The following ZNF546 variants were observed in gnomAD, a reference collection of about 807,000 sequenced individuals.
ZNF546 encodes the protein CTC-471F3.6.
A neutral mutation model predicts 76.2 loss-of-function variants in ZNF546; 60 were observed. The observed-to-expected ratio is 0.79, with a 90% confidence interval of 0.64 to 0.98. The LOEUF (loss-of-function observed/expected upper bound fraction) is 0.98, where lower values mean the gene tolerates loss of function less well. ZNF546 is among the 50% of genes least tolerant of loss of function. ZNF546 has a pLI of 0.00. For missense variants in ZNF546, 936 were observed against 1,035.6 expected (o/e 0.90, Z 1.32); for synonymous variants, 277 against 328.1 (o/e 0.84, Z 1.68).
chr19:40,017,430 C>T lies in ZNF546; in HGVS notation c.*1649C>T, dbSNP rs1971786332. The T allele has an allele frequency of 6.6e-6, 1 of 152,176 alleles. No individual in the cohort carries two copies. The highest frequency in any genetic ancestry group is 2.1e-4 in the South Asian group (1 of 4,830). 9.4% of individuals were successfully genotyped at this position (152,176 alleles called of 1,614,324 possible). A position where few individuals can be genotyped will look rare whatever the true frequency, so the allele number is the denominator to read the frequency against. On this transcript the variant is annotated 3_prime_UTR_variant, in exon 7 of 7. Transcript: ENST00000347077. ...TTCAGCAATTGTTAATATGTTGTCA[C>T]ATTTGGTTTGCTTATACATAATATT...
At chr19:40,001,000 A>G (rs909566794) in intron 3 of ZNF546, among the ~76,000 whole-genome samples, 2 of 151,686 alleles carry the variant, frequency 1.3e-5, no homozygotes, top group African/African-American at 2.4e-5. Context: ...GGGTGATGGG[A>G]GGCAATGACA....
rs1294142153 is a variant in ZNF546 at position 40,016,182 on chromosome 19, GCACTC to G, written c.*404_*408del. The G allele has an allele frequency of 4.9e-6, 1 of 203,944 alleles. No individual in the cohort carries two copies. Among genetic ancestry groups the G allele is most frequent in the Non-Finnish European group, 1.0e-5 (1 of 99,844 alleles). The allele number at this position is 203,944 out of a possible 1,614,324, so 12.6% of individuals were successfully genotyped here. A position where few individuals can be genotyped will look rare whatever the true frequency, so the allele number is the denominator to read the frequency against. The stretch of plus-strand genomic sequence containing the variant: ...TTTAGTGAGCCATGATTGTGCCACT[GCACTC>G]CAGCTTGGTGACAGAGTGAGATCCT... On this transcript the variant is annotated 3_prime_UTR_variant, in exon 7 of 7. Coordinates refer to ENST00000347077, the MANE Select transcript of ZNF546 (RefSeq NM_178544.5).
chr19:40,014,904 G>T lies in ZNF546; in HGVS notation c.1634G>T (p.Arg545Ile), dbSNP rs145376946. The change falls in exon 7 of 7, where the codon AGA becomes ATA. Residue 545 changes from arginine (R) to isoleucine (I), a missense_variant. Coordinates refer to ENST00000347077, the MANE Select transcript of ZNF546 (RefSeq NM_178544.5). ...RLQGELTRHH[R>I]IHTCEKPYEC... ...CAAGGAGAACTTACCCGACATCACAGAATTCATACATGTGAGAAACCCTAT... is the reference window on the plus strand; with the variant it reads ...CAAGGAGAACTTACCCGACATCACATAATTCATACATGTGAGAAACCCTAT... 1.9e-4 allele frequency: 307 copies of T among 1,613,420 alleles called. No homozygotes were observed. In the African/African-American group the frequency reaches 3.7e-3, roughly 19 times the overall value.
Position 40,018,469 on chromosome 19 carries a change from T to A in ZNF546, c.*2688T>A, listed in dbSNP as rs1470902088. The stretch of plus-strand genomic sequence containing the variant: ...CTATGGTATCCTTAGTTCATTCACT[T>A]GGTGTAGCAGAACATACATTCCAAA... On this transcript the variant is annotated 3_prime_UTR_variant, in exon 7 of 7. Transcript: ENST00000347077. The A allele has an allele frequency of 1.3e-5, 2 of 152,214 alleles. No homozygotes were observed. Among genetic ancestry groups the A allele is most frequent in the African/African-American group, 4.8e-5 (2 of 41,450 alleles). 9.4% of individuals were successfully genotyped at this position (152,214 alleles called of 1,614,324 possible). A position where few individuals can be genotyped will look rare whatever the true frequency, so the allele number is the denominator to read the frequency against.
At chr19:40,012,526 TA>T (rs534674322) in intron 6 of ZNF546, among the ~76,000 whole-genome samples, 177 of 152,270 alleles carry the variant, frequency 1.2e-3, no homozygotes, top group African/African-American at 4.1e-3. Flanking sequence ...GTCTTCCAAA[TA>T]AGAAAGGGGT....
At chr19:40,012,488 G>A (rs753980187) in intron 6 of ZNF546, among the ~76,000 whole-genome samples, 10 of 152,134 alleles carry the variant, frequency 6.6e-5, no homozygotes, top group Non-Finnish European at 5.9e-5. Context: ...TGACTTGTTT[G>A]TAATATTTAC....
intron 3 of ZNF546, among the ~76,000 whole-genome samples, chr19:40,001,437 A>T (rs1157512947): frequency 4.0e-5 from 6 of 150,816 alleles, no homozygotes; most frequent in South Asian, 4.2e-4. Flanking sequence ...ATCTCAGCTC[A>T]TTGCAACCTC....
In ZNF546 at chr19:40,006,151, C is replaced by G; in HGVS notation, c.140C>G (p.Thr47Arg). The change falls in exon 4 of 7, where the codon ACA becomes AGA. Residue 47 changes from threonine to arginine, a missense_variant. Coordinates refer to ENST00000347077, the MANE Select transcript of ZNF546 (RefSeq NM_178544.5). Reference sequence around the variant, plus strand: ...ATGGAGGAAACTCAAGGAGAACTGACAAGTTCTTGTGGTTCTAAAACCATG... The same window carrying G: ...ATGGAGGAAACTCAAGGAGAACTGAGAAGTTCTTGTGGTTCTAAAACCATG... ...FSMEETQGEL[T>R]SSCGSKTMAN... 1 of 1,613,842 alleles carries G rather than the reference C, an allele frequency of 6.2e-7. No homozygotes were observed. Among genetic ancestry groups the G allele is most frequent in the Non-Finnish European group, 8.5e-7 (1 of 1,179,884 alleles).
Position 40,015,819 on chromosome 19 carries a change from G to T in ZNF546, c.*38G>T. ...GGCCTTTAGAAAATGCCCTTTAGCA[G>T]AGAATTTGTAATTTAAGAAATTTTC... is the stretch of plus-strand genomic sequence containing the variant. On this transcript the variant is annotated 3_prime_UTR_variant, in exon 7 of 7. Coordinates refer to ENST00000347077, the MANE Select transcript of ZNF546 (RefSeq NM_178544.5). The T allele has an allele frequency of 6.3e-7, 1 of 1,587,108 alleles. No homozygotes were observed. The highest frequency in any genetic ancestry group is 1.1e-5 in the South Asian group (1 of 89,646).
In ZNF546 at chr19:40,007,452, T is replaced by C. The variant is rs1007451837; in HGVS notation, c.298+52T>C. 7 of 1,472,650 alleles carry C rather than the reference T, an allele frequency of 4.8e-6. No homozygotes were observed. The African/African-American group carries it at 1.0e-4, about 21-fold the overall frequency. The allele number at this position is 1,472,650 out of a possible 1,614,324, so 91.2% of individuals were successfully genotyped here. A position where few individuals can be genotyped will look rare whatever the true frequency, so the allele number is the denominator to read the frequency against. On this transcript the variant is annotated intron_variant, in intron 5 of 6. Coordinates refer to ENST00000347077, the MANE Select transcript of ZNF546 (RefSeq NM_178544.5). ...AATCTGTTTTCTGGAGTATCAGCTTTCTCCACTGTCAAACTTTAGAACTCT... is the reference window on the plus strand; with the variant it reads ...AATCTGTTTTCTGGAGTATCAGCTTCCTCCACTGTCAAACTTTAGAACTCT...
In ZNF546 at chr19:40,014,988, G is replaced by A. The variant is rs575485781; in HGVS notation, c.1718G>A (p.Arg573Gln). Residue 573 changes from arginine to glutamine, a missense_variant, in exon 7 of 7, where the codon CGA (arginine) becomes CAA (glutamine). Arg to Gln is a conservative substitution (Grantham distance 43, BLOSUM62 1). Coordinates refer to ENST00000347077, the MANE Select transcript of ZNF546 (RefSeq NM_178544.5). Reference sequence around the variant, plus strand: ...AGCAATCAATTTATTTCACACCAGCGAATTCACACCAGTGAGAGCACCTAC... The same window carrying A: ...AGCAATCAATTTATTTCACACCAGCAAATTCACACCAGTGAGAGCACCTAC... The part of the protein sequence containing the change: ...IHSNQFISHQ[R>Q]IHTSESTYIC... 1.9e-5 allele frequency: 30 copies of A among 1,614,046 alleles called. No individual in the cohort carries two copies. The highest frequency in any genetic ancestry group is 1.6e-4 in the Middle Eastern group (1 of 6,062).
intron 3 of ZNF546, among the ~76,000 whole-genome samples, chr19:40,004,110 A>T (rs1310755364): frequency 1.4e-5 from 2 of 139,746 alleles, no homozygotes; most frequent in Admixed American, 7.0e-5. Flanking sequence ...AATATATATT[A>T]TATATATAAC....
intron 3 of ZNF546, 172 bp downstream of exon 3, chr19:39,998,582 C>T (rs1183737773): frequency 1.9e-5 from 11 of 567,402 alleles, no homozygotes; most frequent in Middle Eastern, 4.3e-4. Context: ...TGATAATGGT[C>T]GCCTGCTTTT....
At position 40,014,098 on chromosome 19, in the gene ZNF546, A is replaced by T. The variant is rs377567159; in HGVS notation, c.828A>T (p.Lys276Asn). ...IHAGERPYEC[K>N]ECGKAFRLHY... ...CTGGGGAGAGACCCTATGAATGTAA[A>T]GAATGTGGGAAGGCCTTTAGACTTC... Residue 276 changes from lysine (K) to asparagine (N), a missense_variant, in exon 7 of 7, where the codon AAA becomes AAT. Coordinates refer to ENST00000347077, the MANE Select transcript of ZNF546 (RefSeq NM_178544.5). 20 of 1,613,814 alleles carry T rather than the reference A, an allele frequency of 1.2e-5. No individual in the cohort carries two copies. Among genetic ancestry groups the T allele is most frequent in the Non-Finnish European group, 1.7e-5 (20 of 1,179,764 alleles).
rs370284820 is a variant in ZNF546, at chr19:40,001,495, G to T, written c.84+3085G>T. ...CTTCTGCCCAGCCTCCAGAGTAGCTGGGATTACAGGTACCCACTACCACAC... is the reference window on the plus strand; with the variant it reads ...CTTCTGCCCAGCCTCCAGAGTAGCTTGGATTACAGGTACCCACTACCACAC... On this transcript the variant is annotated intron_variant, in intron 3 of 6. Coordinates refer to ENST00000347077, the MANE Select transcript of ZNF546 (RefSeq NM_178544.5). Among the ~76,000 whole-genome samples the T allele has an allele frequency of 3.3e-5, 5 of 152,002 alleles. No individual in the cohort carries two copies. The South Asian group carries it at 6.2e-4, about 19-fold the overall frequency.
At chr19:40,011,906 C>T (rs1042035533) in intron 6 of ZNF546, among the ~76,000 whole-genome samples, 4 of 152,180 alleles carry the variant, frequency 2.6e-5, no homozygotes, top group African/African-American at 9.7e-5. Context: ...GGATTTAGGG[C>T]CCACCCTTTT....
intron 3 of ZNF546, among the ~76,000 whole-genome samples, chr19:40,005,169 C>T (rs1449549068): frequency 6.6e-6 from 1 of 151,896 alleles, no homozygotes; most frequent in Non-Finnish European, 1.5e-5. Flanking sequence ...CAGGCATGTG[C>T]CACCATGCCT....
Position 40,015,073 on chromosome 19 carries a change from A to T in ZNF546, c.1803A>T (p.Lys601Asn). The T allele has an allele frequency of 1.2e-6, 2 of 1,614,072 alleles. No individual in the cohort carries two copies. Residue 601 changes from lysine to asparagine, a missense_variant, in exon 7 of 7, where the codon AAA (lysine) becomes AAT (asparagine). Lys to Asn is a moderately conservative substitution (Grantham distance 94). Transcript: ENST00000347077. ...GCTATAATCTTACTCAACATTTTAA[A>T]ATTCATACTGGTGAAAAACCCTACA... ...SRRYNLTQHF[K>N]IHTGEKPYIC...
Position 40,017,924 on chromosome 19 carries a change from G to T in ZNF546, c.*2143G>T, listed in dbSNP as rs1971795385. The T allele has an allele frequency of 7.1e-6, 1 of 141,840 alleles. No homozygotes were observed. Among genetic ancestry groups the T allele is most frequent in the Admixed American group, 7.0e-5 (1 of 14,264 alleles). 8.8% of individuals were successfully genotyped at this position (141,840 alleles called of 1,614,324 possible). On this transcript the variant is annotated 3_prime_UTR_variant, in exon 7 of 7. Coordinates refer to ENST00000347077, the MANE Select transcript of ZNF546 (RefSeq NM_178544.5). Reference sequence around the variant, plus strand: ...TTGTGCATTGTTCGTCTCTTTTAAAGTAAGAATGGCCCTTCCCCCCACAAC... The same window carrying T: ...TTGTGCATTGTTCGTCTCTTTTAAATTAAGAATGGCCCTTCCCCCCACAAC...
Sources: allele counts gnomAD v4.1 joint callset (sites outside exome capture counted in the v4.1 genomes callset), GRCh38; gene constraint gnomAD v4.1.1; transcripts MANE v1.5; gene names NCBI Gene and HGNC (gene_info 2026-07-23, HGNC 2026-07-21).